The following SVIL variants were observed in gnomAD, a reference collection of about 807,000 sequenced individuals.
SVIL encodes archvillin.
In SVIL, 101 loss-of-function variants were observed where a neutral mutation model predicts 240.4. The ratio of observed to expected loss-of-function variants is 0.42; its 90% CI spans 0.36 to 0.50. The LOEUF (loss-of-function observed/expected upper bound fraction) is 0.50, where lower values mean the gene tolerates loss of function less well. Ranked by LOEUF, SVIL falls within the 20% of genes least tolerant of loss-of-function variation. The pLI, the probability that SVIL is intolerant of heterozygous loss-of-function variation, is 0.01. For synonymous variants in SVIL, 999 were observed against 1,100.0 expected, an observed-to-expected ratio of 0.91 and a Z score of 1.82; for missense variants, 2,512 against 2,818.7, an observed-to-expected ratio of 0.89 and a Z score of 2.46.
intron 1 of SVIL, among the ~76,000 whole-genome samples, chr10:29,634,044 C>G (rs1489631749): frequency 6.6e-6 from 1 of 152,124 alleles, no homozygotes; most frequent in East Asian, 1.9e-4. Context: ...ACTCCACCCC[C>G]ATACTTGTGC....
chr10:29,480,086 A>G (rs1223734793), intron 29 of SVIL, among the ~76,000 whole-genome samples: 1 of 152,186 alleles, frequency 6.6e-6, no homozygotes, highest in African/African-American at 2.4e-5. Flanking sequence ...TTCACTTTTC[A>G]AATCAATCTT....
chr10:29,516,711 G>A (rs758416774), intron 16 of SVIL, among the ~76,000 whole-genome samples: 3 of 152,234 alleles, frequency 2.0e-5, no homozygotes, highest in Non-Finnish European at 4.4e-5. Flanking sequence ...AGAGAGGCAC[G>A]ACACTGGCCC....
chr10:29,482,247 T>G (rs182200391), intron 27 of SVIL, among the ~76,000 whole-genome samples: 1 of 152,240 alleles, frequency 6.6e-6, no homozygotes, highest in Non-Finnish European at 1.5e-5. Context: ...TTGCTCAGGC[T>G]GGTCTTGAAC....
chr10:29,520,754 C>G lies in SVIL; in HGVS notation c.3389+1656G>C, dbSNP rs12257569. Among the ~76,000 whole-genome samples the G allele has an allele frequency of 2.2e-3, 341 of 151,878 alleles. 5 individuals carry two copies. In the South Asian group the frequency reaches 0.025, roughly 11 times the overall value. On this transcript the variant is annotated intron_variant, in intron 16 of 37. Coordinates refer to ENST00000355867, the MANE Select transcript of SVIL (RefSeq NM_021738.3). ...GAGACCTCCCAACTCTACAAAAAAT[C>G]TTTTTGAAAAAATTAGCCAGGCATG...
chr10:29,525,405 G>T (rs111399062), intron 13 of SVIL, among the ~76,000 whole-genome samples: 74 of 152,274 alleles, frequency 4.9e-4, no homozygotes, highest in African/African-American at 1.7e-3. Flanking sequence ...CTTGAATTTA[G>T]GAGTTGGAGA....
In SVIL at chr10:29,521,040, G is replaced by A. The variant is rs149365627; in HGVS notation, c.3389+1370C>T. On this transcript the variant is annotated intron_variant, in intron 16 of 37. Coordinates refer to ENST00000355867, the MANE Select transcript of SVIL (RefSeq NM_021738.3). ...AGATCGAGATCATCCTAGCTAACAC[G>A]GTGAAGCCCCAACTCTACTAAAAAT... Among the ~76,000 whole-genome samples the A allele has an allele frequency of 4.7e-4, 72 of 151,866 alleles. No individual in the cohort carries two copies. The East Asian group carries it at 9.3e-3, about 20-fold the overall frequency.
At chr10:29,594,101 A>G (rs1252046404) in intron 1 of SVIL, among the ~76,000 whole-genome samples, 1 of 152,214 alleles carries the variant, frequency 6.6e-6, no homozygotes, top group African/African-American at 2.4e-5. Context: ...TGATTGTTCA[A>G]TGGACACAAA....
At chr10:29,723,284 A>G (rs772943715) in intron 1 of SVIL, among the ~76,000 whole-genome samples, 1 of 152,230 alleles carries the variant, frequency 6.6e-6, no homozygotes, top group African/African-American at 2.4e-5. Flanking sequence ...GGAGGCTAAG[A>G]TGAAAGGATT....
rs2368399 is a variant in SVIL at position 29,495,368 on chromosome 10, T to A, written c.3665-187A>T. 0.2 allele frequency among the ~76,000 whole-genome samples: 29,912 copies of A among 149,514 alleles called. 3,340 individuals carry two copies. Among genetic ancestry groups the A allele is most frequent in the East Asian group, 0.31 (1,596 of 5,086 alleles). On this transcript the variant is annotated intron_variant, in intron 18 of 37. Coordinates refer to ENST00000355867, the MANE Select transcript of SVIL (RefSeq NM_021738.3). ...GGGACAACCAACTGCAAACGTAGAC[T>A]GGATTTTATTATTTCCAAGGACTGT...
intron 33 of SVIL, among the ~76,000 whole-genome samples, chr10:29,466,367 CAAAGAGGAAAA>C: frequency 6.6e-6 from 1 of 152,016 alleles, no homozygotes; most frequent in South Asian, 2.1e-4. Flanking sequence ...ATCAATTTGG[CAAAGAGGAAAA>C]AATAATATGC....
Position 29,457,356 on chromosome 10 carries a change from ATTG to A in SVIL, c.*888_*890del, listed in dbSNP as rs1564433936. On this transcript the variant is annotated 3_prime_UTR_variant, in exon 38 of 38. Transcript: ENST00000355867. ...CTTGGAATTCAATGTGAACCAGTTA[ATTG>A]TTGTGTTTATTCTGATACTTTTATT... is the stretch of plus-strand genomic sequence containing the variant. 2 of 152,108 alleles carry A rather than the reference ATTG, an allele frequency of 1.3e-5. No individual in the cohort carries two copies. The highest frequency in any genetic ancestry group is 2.9e-5 in the Non-Finnish European group (2 of 68,008). 9.4% of individuals were successfully genotyped at this position (152,108 alleles called of 1,614,324 possible).
chr10:29,540,678 C>T (rs1952080538), intron 6 of SVIL, among the ~76,000 whole-genome samples: 1 of 151,952 alleles, frequency 6.6e-6, no homozygotes, highest in Non-Finnish European at 1.5e-5. Flanking sequence ...TGCCAGTGTT[C>T]ATGGACTCTA....
intron 1 of SVIL, among the ~76,000 whole-genome samples, chr10:29,595,493 A>G (rs1778112622): frequency 6.6e-6 from 1 of 152,256 alleles, no homozygotes; most frequent in Non-Finnish European, 1.5e-5. Context: ...TATTTACAAA[A>G]GATGGTGAAA....
intron 6 of SVIL, among the ~76,000 whole-genome samples, chr10:29,540,513 C>T (rs780728777): frequency 6.6e-6 from 1 of 152,210 alleles, no homozygotes; most frequent in African/African-American, 2.4e-5. Context: ...TAACTGCTCA[C>T]GATCACACGA....
rs548764863 is a variant in SVIL at position 29,471,663 on chromosome 10, A to G, written c.5530-420T>C. ...TCATCACTGACTTGGTAATAATTCT[A>G]GGGAAAATATATGGTTTGTGGCCAC... On this transcript the variant is annotated intron_variant, in intron 30 of 37. Transcript: ENST00000355867. Among the ~76,000 whole-genome samples, 5 of 152,348 alleles carry G rather than the reference A, an allele frequency of 3.3e-5. No homozygotes were observed. The South Asian group carries it at 1.0e-3, about 32-fold the overall frequency.
chr10:29,663,835 C>T (rs1959185619), intron 2 of SVIL, among the ~76,000 whole-genome samples: 1 of 152,186 alleles, frequency 6.6e-6, no homozygotes, highest in South Asian at 2.1e-4. Flanking sequence ...GCTGGTTCTC[C>T]CGGTGAGTGC....
chr10:29,532,892 T>G lies in SVIL; in HGVS notation c.1475A>C (p.Glu492Ala). 6.2e-7 allele frequency: 1 copy of G among 1,614,114 alleles called. No homozygotes were observed. The highest frequency in any genetic ancestry group is 8.5e-7 in the Non-Finnish European group (1 of 1,180,016). The change falls in exon 8 of 38, where the codon GAA becomes GCA. Residue 492 changes from glutamate to alanine, a missense_variant. Transcript: ENST00000355867. The stretch of plus-strand genomic sequence containing the variant: ...AGGGGGTTGTGCCACGTTTTCCAGT[T>G]CCTTCTGATGCTCTAAGGTGACTGT... ...VSTVTLEHQK[E>A]LENVAQPPQA...
At chr10:29,559,672 C>T (rs1365415877) in intron 3 of SVIL, among the ~76,000 whole-genome samples, 1 of 152,170 alleles carries the variant, frequency 6.6e-6, no homozygotes, top group African/African-American at 2.4e-5. Context: ...ATCCACCTGT[C>T]CCTTATTTTA....
chr10:29,610,308 T>C (rs966138544), intron 1 of SVIL, among the ~76,000 whole-genome samples: 2 of 152,038 alleles, frequency 1.3e-5, no homozygotes, highest in African/African-American at 4.8e-5. Context: ...TGGTGGTGTC[T>C]CCTCCTCCTC....
Sources: allele counts gnomAD v4.1 joint callset (sites outside exome capture counted in the v4.1 genomes callset), GRCh38; gene constraint gnomAD v4.1.1; transcripts MANE v1.5; gene names NCBI Gene and HGNC (gene_info 2026-07-23, HGNC 2026-07-21).